Variants in ENDOD1 observed in about 807,000 individuals in gnomAD.
ENDOD1 encodes endonuclease domain-containing 1 protein.
In ENDOD1, 9 loss-of-function variants were observed where a neutral mutation model predicts 6.5. The ratio of observed to expected loss-of-function variants is 1.39; its 90% confidence interval spans 0.84 to 2.43. The LOEUF (loss-of-function observed/expected upper bound fraction) is 2.43. Among genes scored for constraint, ENDOD1 ranks in the 30% most tolerant of loss-of-function variants. ENDOD1 has a pLI of 0.00. For missense variants in ENDOD1, 648 were observed against 635.5 expected, an observed-to-expected ratio of 1.02 and a Z score of -0.21; for synonymous variants, 255 against 255.2, an observed-to-expected ratio of 1.00 and a Z score of 0.01.
At chr11:95,117,093 T>G (rs1384826554) in intron 1 of ENDOD1, among the ~76,000 whole-genome samples, 1 of 152,230 alleles carries the variant, frequency 6.6e-6, no homozygotes, top group Non-Finnish European at 1.5e-5. Flanking sequence ...TTGAGGTGTA[T>G]CTCTCTCTTT....
intron 1 of ENDOD1, among the ~76,000 whole-genome samples, chr11:95,110,589 G>A (rs1383291009): frequency 2.0e-5 from 3 of 151,598 alleles, no homozygotes; most frequent in Non-Finnish European, 2.9e-5. Context: ...ATGTATGTGT[G>A]TGTGTGTGTG....
intron 1 of ENDOD1, among the ~76,000 whole-genome samples, chr11:95,108,534 C>CACACACAAAAA: frequency 7.0e-6 from 1 of 141,860 alleles, no homozygotes; most frequent in African/African-American, 2.5e-5. Flanking sequence ...CACAGACACC[C>CACACACAAAAA]AAAAAAAGAA....
chr11:95,101,561 A>AT (rs1340295546), intron 1 of ENDOD1, among the ~76,000 whole-genome samples: 2 of 151,670 alleles, frequency 1.3e-5, no homozygotes, highest in African/African-American at 2.4e-5. Context: ...TATGGTGAAA[A>AT]TTTTTTTTTA....
At chr11:95,092,291 C>T (rs1858938367) in intron 1 of ENDOD1, among the ~76,000 whole-genome samples, 1 of 152,002 alleles carries the variant, frequency 6.6e-6, no homozygotes, top group East Asian at 1.9e-4. Context: ...AAAAAGGAAT[C>T]ATGGAAGGGA....
intron 1 of ENDOD1, among the ~76,000 whole-genome samples, chr11:95,124,817 GC>G (rs1859295778): frequency 1.3e-5 from 2 of 152,194 alleles, no homozygotes; most frequent in Admixed American, 1.3e-4. Context: ...GAAACACCCA[GC>G]TTAGTCTCCT....
intron 1 of ENDOD1, among the ~76,000 whole-genome samples, chr11:95,103,443 T>C (rs1385449292): frequency 3.9e-5 from 6 of 152,230 alleles, no homozygotes; most frequent in Non-Finnish European, 7.3e-5. Flanking sequence ...TTCATCAGCA[T>C]GAAAACCGTT....
In ENDOD1 at chr11:95,131,305, T is replaced by C. The variant is rs1348535140; in HGVS notation, c.*1726T>C. 4 of 152,156 alleles carry C rather than the reference T, an allele frequency of 2.6e-5. No homozygotes were observed. The highest frequency in any genetic ancestry group is 5.9e-5 in the Non-Finnish European group (4 of 68,048). The allele number at this position is 152,156 out of a possible 1,614,324, so 9.4% of individuals were successfully genotyped here. A position where few individuals can be genotyped will look rare whatever the true frequency, so the allele number is the denominator to read the frequency against. On this transcript the variant is annotated 3_prime_UTR_variant, in exon 2 of 2. Coordinates refer to ENST00000278505, the MANE Select transcript of ENDOD1 (RefSeq NM_015036.3). Reference sequence around the variant, plus strand: ...TTTGGATGTCCCTTTATTTCAGCAGTGTGAAGGTAAATGGAAGGGTGAGGG... The same window carrying C: ...TTTGGATGTCCCTTTATTTCAGCAGCGTGAAGGTAAATGGAAGGGTGAGGG...
chr11:95,124,360 A>G (rs1189898140), intron 1 of ENDOD1, among the ~76,000 whole-genome samples: 1 of 152,210 alleles, frequency 6.6e-6, no homozygotes, highest in Admixed American at 6.5e-5. Context: ...TTCAAAAAAT[A>G]TTAGTCTCCA....
chr11:95,113,424 A>G (rs1293765438), intron 1 of ENDOD1, among the ~76,000 whole-genome samples: 2 of 152,026 alleles, frequency 1.3e-5, no homozygotes, highest in Non-Finnish European at 2.9e-5. Flanking sequence ...TCTGGTAATC[A>G]TTCTTCTGCT....
intron 1 of ENDOD1, among the ~76,000 whole-genome samples, chr11:95,113,661 T>G (rs2134169649): frequency 6.6e-6 from 1 of 152,290 alleles, no homozygotes; most frequent in African/African-American, 2.4e-5. Context: ...GAAGGACACT[T>G]AGGTTGTTTC....
intron 1 of ENDOD1, among the ~76,000 whole-genome samples, chr11:95,098,393 G>A (rs567601567): frequency 6.6e-6 from 1 of 152,264 alleles, no homozygotes; most frequent in Non-Finnish European, 1.5e-5. Context: ...AAGTATGGGA[G>A]GTGTTGGACA....
At chr11:95,106,795 G>GT (rs1859093118) in intron 1 of ENDOD1, among the ~76,000 whole-genome samples, 1 of 149,690 alleles carries the variant, frequency 6.7e-6, no homozygotes, top group Non-Finnish European at 1.5e-5. Context: ...TTAAACATTT[G>GT]TTTTTCAGCG....
intron 1 of ENDOD1, among the ~76,000 whole-genome samples, chr11:95,095,436 T>G (rs1444553539): frequency 6.6e-6 from 1 of 152,284 alleles, no homozygotes; most frequent in Admixed American, 6.5e-5. Flanking sequence ...CCAACCTTTG[T>G]TGAATTTTTC....
chr11:95,118,913 T>G (rs1555112719), intron 1 of ENDOD1, among the ~76,000 whole-genome samples: 2 of 152,236 alleles, frequency 1.3e-5, no homozygotes, highest in African/African-American at 4.8e-5. Context: ...AGCTCACTAA[T>G]TCTTTCTTCT....
Position 95,128,981 on chromosome 11 carries a change from C to T in ENDOD1, c.905C>T (p.Ser302Phe). ...EERMVQSQKS[S>F]SPLSSTRSKR... ...CGAATGGTACAATCTCAAAAGAGTT[C>T]TAGTCCCCTTTCTAGCACCAGGAGC... The change falls in exon 2 of 2, where the codon TCT (serine) becomes TTT (phenylalanine). Residue 302 changes from serine (S) to phenylalanine (F), a missense_variant. By Grantham distance (155) the Ser-to-Phe change is radical. Transcript: ENST00000278505. 6.2e-7 allele frequency: 1 copy of T among 1,614,016 alleles called. No individual in the cohort carries two copies. Among genetic ancestry groups the T allele is most frequent in the Non-Finnish European group, 8.5e-7 (1 of 1,179,988 alleles).
Position 95,122,039 on chromosome 11 carries a change from A to G in ENDOD1, c.301-6338A>G, listed in dbSNP as rs547713058. Among the ~76,000 whole-genome samples, 31 of 152,288 alleles carry G rather than the reference A, an allele frequency of 2.0e-4. No individual in the cohort carries two copies. In the South Asian group the frequency reaches 6.0e-3, roughly 30 times the overall value. On this transcript the variant is annotated intron_variant, in intron 1 of 1. Transcript: ENST00000278505. ...GCCATCTGAAATAACCTTTTACATCATAGGTTTATTTTTGTCTTTAGGGAG... is the reference window on the plus strand; with the variant it reads ...GCCATCTGAAATAACCTTTTACATCGTAGGTTTATTTTTGTCTTTAGGGAG...
In ENDOD1 at chr11:95,090,096, C is replaced by A. The variant is rs782592237; in HGVS notation, c.169C>A (p.Gln57Lys). The change falls in exon 1 of 2, where the codon CAG becomes AAG. Residue 57 changes from glutamine (Q) to lysine (K), a missense_variant. Gln to Lys is a moderately conservative substitution (Grantham distance 53). Transcript: ENST00000278505. ...GGCCGATTCCCACGTGAAGATCTGT[C>A]AGCGCGCGGAGGGTGCTGAGCGCTT... Reference protein sequence around the residue: ...LAADSHVKICQRAEGAERFAT... With the variant: ...LAADSHVKICKRAEGAERFAT... 4.4e-6 allele frequency: 7 copies of A among 1,596,532 alleles called. No individual in the cohort carries two copies. The highest frequency in any genetic ancestry group is 6.0e-6 in the Non-Finnish European group (7 of 1,173,150).
Position 95,100,865 on chromosome 11 carries a change from G to GTTTTTTT in ENDOD1, c.300+10653_300+10659dup, listed in dbSNP as rs34680715. ...TCATAGATCTTTGTACCTGCTGGGT[G>GTTTTTTT]TTTTTTTTTTTTTTTTTTTTTGCCT... On this transcript the variant is annotated intron_variant, in intron 1 of 1. Transcript: ENST00000278505. 2.8e-4 allele frequency among the ~76,000 whole-genome samples: 20 copies of GTTTTTTT among 72,272 alleles called. 1 individual carries two copies. Among genetic ancestry groups the GTTTTTTT allele is most frequent in the Admixed American group, 6.6e-4 (3 of 4,576 alleles). 47.4% of individuals were successfully genotyped at this position (72,272 alleles called of 152,430 possible).
At chr11:95,122,880 G>GT (rs1232798362) in intron 1 of ENDOD1, among the ~76,000 whole-genome samples, 1 of 152,132 alleles carries the variant, frequency 6.6e-6, no homozygotes, top group Non-Finnish European at 1.5e-5. Flanking sequence ...GTGGAAATCA[G>GT]TTAGTATGGT....
Sources: allele counts gnomAD v4.1 joint callset (sites outside exome capture counted in the v4.1 genomes callset), GRCh38; gene constraint gnomAD v4.1.1; transcripts MANE v1.5; gene names NCBI Gene and HGNC (gene_info 2026-07-23, HGNC 2026-07-21).